The following AKAP13 variants were observed in gnomAD, a reference collection of about 807,000 sequenced individuals.
AKAP13 encodes A-kinase anchoring protein 13.
AKAP13 carries 80 observed loss-of-function variants against 264.5 expected under a neutral mutation model. The observed-to-expected ratio is 0.30, with a 90% CI of 0.25 to 0.36. The LOEUF (loss-of-function observed/expected upper bound fraction) is 0.36, where lower values mean the gene tolerates loss of function less well. Ranked by LOEUF, AKAP13 falls within the 10% of genes least tolerant of loss-of-function variation. AKAP13 has a pLI of 1.00. For synonymous variants in AKAP13, 1,380 were observed against 1,250.2 expected, an observed-to-expected ratio of 1.10 and a Z score of -2.19; for missense variants, 3,712 against 3,435.2, an observed-to-expected ratio of 1.08 and a Z score of -2.01.
At chr15:85,720,004 GGATGGATT>G (rs1489535186) in intron 23 of AKAP13, among the ~76,000 whole-genome samples, 1 of 152,048 alleles carries the variant, frequency 6.6e-6, no homozygotes, top group Non-Finnish European at 1.5e-5. Flanking sequence ...AGGCTGAGGC[GGATGGATT>G]GCTTGAAGCC....
intron 8 of AKAP13, among the ~76,000 whole-genome samples, chr15:85,587,597 C>G (rs1423082399): frequency 6.6e-6 from 1 of 152,066 alleles, no homozygotes; most frequent in Non-Finnish European, 1.5e-5. Context: ...TATTTTTCTT[C>G]AAGGTCTTGA....
chr15:85,433,198 C>A (rs1447232509), intron 1 of AKAP13, among the ~76,000 whole-genome samples: 2 of 135,468 alleles, frequency 1.5e-5, no homozygotes, highest in African/African-American at 5.6e-5. Flanking sequence ...TCCCATTTAA[C>A]CAGTTCTCTG....
chr15:85,491,963 A>G (rs4842885), intron 2 of AKAP13, among the ~76,000 whole-genome samples: 139,920 of 152,254 alleles, frequency 0.92, 64,508 homozygotes, highest in South Asian at 0.97. Flanking sequence ...ATAAGGAAAC[A>G]TAAGGTTAAG....
chr15:85,577,733 A>G (rs1314159929), intron 6 of AKAP13: 1 of 857,758 alleles, frequency 1.2e-6, no homozygotes, highest in Non-Finnish European at 1.4e-6. Flanking sequence ...CATTTATTTT[A>G]TATTTAATAT....
Position 85,543,807 on chromosome 15 carries a change from G to C in AKAP13, c.514G>C (p.Val172Leu). ...GCGAGAGACATTGATGCATTTTGCTGTGCGGCTGGGACTGCTGAGGTTGAC... is the reference window on the plus strand; with the variant it reads ...GCGAGAGACATTGATGCATTTTGCTCTGCGGCTGGGACTGCTGAGGTTGAC... ...GPRETLMHFA[V>L]RLGLLRLTWF... Residue 172 changes from valine (V) to leucine (L), a missense_variant, in exon 5 of 37, where the codon GTG (valine) becomes CTG (leucine). By Grantham distance (32) the Val-to-Leu change is conservative. This residue lies in a region of AKAP13 where 2,759 missense variants were observed against 2,411.7 expected (regional missense o/e 1.14). Coordinates refer to ENST00000394518, the MANE Select transcript of AKAP13 (RefSeq NM_007200.5). The C allele has an allele frequency of 1.2e-6, 2 of 1,613,284 alleles. No homozygotes were observed. The highest frequency in any genetic ancestry group is 8.5e-7 in the Non-Finnish European group (1 of 1,179,490).
chr15:85,694,410 TGCAAAAGCA>T lies in AKAP13; in HGVS notation c.5464+962_5464+970del, dbSNP rs548776218. Among the ~76,000 whole-genome samples, 28 of 152,358 alleles carry T rather than the reference TGCAAAAGCA, an allele frequency of 1.8e-4. No homozygotes were observed. In the South Asian group the frequency reaches 2.7e-3, roughly 15 times the overall value. On this transcript the variant is annotated intron_variant, in intron 17 of 36. Coordinates refer to ENST00000394518, the MANE Select transcript of AKAP13 (RefSeq NM_007200.5). ...CAATTCTTGAACTCTGCAGTTGCAG[TGCAAAAGCA>T]GCCGTAAGCAATACATAAACCAATG...
chr15:85,409,833 G>T (rs924356717), intron 1 of AKAP13, among the ~76,000 whole-genome samples: 1 of 151,038 alleles, frequency 6.6e-6, no homozygotes, highest in Non-Finnish European at 1.5e-5. Context: ...GGGTTTCACC[G>T]TGTTAGCCAG....
Position 85,579,139 on chromosome 15 carries a change from A to G in AKAP13, c.1071A>G (p.Ser357=), listed in dbSNP as rs549413677. Residue 357 remains serine (S), a synonymous_variant, in exon 7 of 37, where the codon TCA becomes TCG. Transcript: ENST00000394518. ...VAQTESPCDL[S]SIVEEENTDR... ...AGACTGAAAGTCCCTGTGATTTGTC[A>G]AGCATAGTTGAGGAGGAGAATACAG... The G allele has an allele frequency of 1.2e-6, 2 of 1,614,152 alleles. No individual in the cohort carries two copies. The highest frequency in any genetic ancestry group is 8.5e-7 in the Non-Finnish European group (1 of 1,180,030).
rs201598554 is a variant in AKAP13, at chr15:85,579,162, C to T, written c.1094C>T (p.Thr365Ile). The T allele has an allele frequency of 2.5e-6, 4 of 1,614,098 alleles. No homozygotes were observed. Among genetic ancestry groups the T allele is most frequent in the East Asian group, 2.2e-5 (1 of 44,866 alleles). The change falls in exon 7 of 37, where the codon ACA (threonine) becomes ATA (isoleucine). Residue 365 changes from threonine (T) to isoleucine (I), a missense_variant. Coordinates refer to ENST00000394518, the MANE Select transcript of AKAP13 (RefSeq NM_007200.5). Reference sequence around the variant, plus strand: ...TCAAGCATAGTTGAGGAGGAGAATACAGACCGTTCCTGTAGGAAGAAAAAT... The same window carrying T: ...TCAAGCATAGTTGAGGAGGAGAATATAGACCGTTCCTGTAGGAAGAAAAAT... ...DLSSIVEEENTDRSCRKKNKG... is the reference protein window; with the variant it reads ...DLSSIVEEENIDRSCRKKNKG...
chr15:85,488,125 T>C (rs547044039), intron 2 of AKAP13, among the ~76,000 whole-genome samples: 69 of 152,294 alleles, frequency 4.5e-4, no homozygotes, highest in African/African-American at 1.7e-3. Flanking sequence ...GCTCAAGTGA[T>C]CCTTCCACCT....
intron 5 of AKAP13, among the ~76,000 whole-genome samples, chr15:85,562,888 A>G (rs961868699): frequency 9.0e-6 from 1 of 110,692 alleles, no homozygotes; most frequent in Non-Finnish European, 1.9e-5. Context: ...TTTTTTTTGT[A>G]TTTTTAGTAG....
chr15:85,660,999 C>G (rs2083317018), intron 12 of AKAP13, among the ~76,000 whole-genome samples: 1 of 152,180 alleles, frequency 6.6e-6, no homozygotes. Context: ...GCCAGGCCTT[C>G]CCATCTGCAA....
intron 1 of AKAP13, among the ~76,000 whole-genome samples, chr15:85,444,528 A>G (rs553107458): frequency 6.6e-6 from 1 of 152,354 alleles, no homozygotes; most frequent in South Asian, 2.1e-4. Flanking sequence ...AGTTGTTTAG[A>G]GTAAAATCTT....
At chr15:85,467,144 C>A (rs1192823578) in intron 1 of AKAP13, among the ~76,000 whole-genome samples, 1 of 152,086 alleles carries the variant, frequency 6.6e-6, no homozygotes, top group Non-Finnish European at 1.5e-5. Context: ...CACCAACAAT[C>A]TTGGCACCCA....
At position 85,579,895 on chromosome 15, in the gene AKAP13, A is replaced by C. The variant is rs371964124; in HGVS notation, c.1827A>C (p.Ala609=). The C allele has an allele frequency of 6.2e-7, 1 of 1,614,246 alleles. No individual in the cohort carries two copies. The highest frequency in any genetic ancestry group is 8.5e-7 in the Non-Finnish European group (1 of 1,180,034). Residue 609 remains alanine, a synonymous_variant, in exon 7 of 37, where the codon GCA becomes GCC. Transcript: ENST00000394518. ...TAGAACCTTATACTCTCTTAGCAGC[A>C]GGCATAGGTGAGGCAATGTCACCCT... ...DGLEPYTLLA[A]GIGEAMSPSD...
rs188975664 is a variant in AKAP13, at chr15:85,602,735, G to A, written c.4161+16912G>A. On this transcript the variant is annotated intron_variant, in intron 8 of 36. Coordinates refer to ENST00000394518, the MANE Select transcript of AKAP13 (RefSeq NM_007200.5). ...GAACTCCTGACCTAGTGATCCGCCC[G>A]CCTCAGCTTCCCAAAGTGCTGGGAT... Among the ~76,000 whole-genome samples, 567 of 152,210 alleles carry A rather than the reference G, an allele frequency of 3.7e-3. 4 individuals carry two copies. The highest frequency in any genetic ancestry group is 5.7e-3 in the Non-Finnish European group (386 of 67,992).
At chr15:85,543,524 T>C (rs193204974) in intron 4 of AKAP13, among the ~76,000 whole-genome samples, 13 of 152,334 alleles carry the variant, frequency 8.5e-5, no homozygotes, top group African/African-American at 2.9e-4. Flanking sequence ...TGATTCTCTT[T>C]TGCAGGACTG....
intron 5 of AKAP13, among the ~76,000 whole-genome samples, chr15:85,572,451 TTTGAGGTCATTTCAC>T (rs2151292795): frequency 6.6e-6 from 1 of 152,250 alleles, no homozygotes; most frequent in Admixed American, 6.5e-5. Flanking sequence ...TGCTTTTCTG[TTTGAGGTCATTTCAC>T]TCAGAGTATA....
intron 16 of AKAP13, among the ~76,000 whole-genome samples, chr15:85,687,599 C>G (rs116315591): frequency 1.3e-5 from 2 of 152,088 alleles, no homozygotes; most frequent in African/African-American, 4.8e-5. Context: ...AATTTGTAAC[C>G]CTGAATTGTA....
Sources: allele counts gnomAD v4.1 joint callset (sites outside exome capture counted in the v4.1 genomes callset), GRCh38; gene constraint gnomAD v4.1.1; regional missense constraint gnomAD v4.1.1; transcripts MANE v1.5; gene names NCBI Gene and HGNC (gene_info 2026-07-23, HGNC 2026-07-21).